The following POLI variants were observed in gnomAD, a reference collection of about 807,000 sequenced individuals.
POLI encodes DNA polymerase iota.
Under a neutral mutation model 51.6 loss-of-function variants are expected in POLI, and 58 were observed. That is an observed-to-expected ratio of 1.12 (90% CI 0.91 to 1.40). The LOEUF is 1.40. Among genes scored for constraint, POLI ranks in the 40% most tolerant of loss-of-function variants. POLI has a pLI of 0.00. For missense variants in POLI, 921 were observed against 871.3 expected, an observed-to-expected ratio of 1.06 and a Z score of -0.72; for synonymous variants, 322 against 299.7, an observed-to-expected ratio of 1.07 and a Z score of -0.77.
intron 3 of POLI, among the ~76,000 whole-genome samples, chr18:54,275,365 T>G (rs1466341688): frequency 6.6e-6 from 1 of 152,040 alleles, no homozygotes; most frequent in Admixed American, 6.6e-5. Context: ...TAAAGACATA[T>G]GTACAACAAT....
At chr18:54,270,794 A>G (rs1027991085) in intron 1 of POLI, 2 of 152,190 alleles carry the variant, frequency 1.3e-5, no homozygotes, top group African/African-American at 4.8e-5. Flanking sequence ...AATTTAGTGA[A>G]TATTTATTGG....
intron 7 of POLI, 21 bp downstream of exon 7, chr18:54,284,034 C>T (rs1335537666): frequency 5.2e-6 from 5 of 966,656 alleles, no homozygotes; most frequent in Middle Eastern, 2.1e-4. Flanking sequence ...ATCCATTTTG[C>T]CAAGTCATCC....
chr18:54,321,120 C>T (rs1232517171), exon 5 of POLI: 2 of 152,194 alleles, frequency 1.3e-5, no homozygotes, highest in Admixed American at 1.3e-4. Context: ...ACAAGGATCC[C>T]TCCTGCCACC....
At chr18:54,317,212 A>G (rs2144653359) in intron 3 of POLI, among the ~76,000 whole-genome samples, 1 of 152,276 alleles carries the variant, frequency 6.6e-6, no homozygotes, top group African/African-American at 2.4e-5. Context: ...AGTGGATGAA[A>G]TTCATGAGGC....
At chr18:54,319,650 GTTA>G (rs146740127) in intron 3 of POLI, among the ~76,000 whole-genome samples, 10,162 of 152,088 alleles carry the variant, frequency 0.067, 382 homozygotes, top group African/African-American at 0.087. Flanking sequence ...TTGTGGGATT[GTTA>G]TTATTATATA....
chr18:54,314,472 C>T (rs573365), intron 3 of POLI, among the ~76,000 whole-genome samples: 116,615 of 152,030 alleles, frequency 0.77, 45,642 homozygotes, highest in African/African-American at 0.94. Flanking sequence ...GGTATCAGGA[C>T]GATGTTTGTT....
At chr18:54,281,918 A>C (rs1053826635) in intron 5 of POLI, among the ~76,000 whole-genome samples, 1 of 152,110 alleles carries the variant, frequency 6.6e-6, no homozygotes, top group African/African-American at 2.4e-5. Context: ...TAACTGTGGA[A>C]TTACTGTTTT....
rs368246961 is a variant in POLI at position 54,294,505 on chromosome 18, C to A, written c.*38C>A. On this transcript the variant is annotated 3_prime_UTR_variant, in exon 10 of 10. Coordinates refer to ENST00000579534, the MANE Select transcript of POLI (RefSeq NM_007195.3). Reference sequence around the variant, plus strand: ...AAAAGGTCTGAAAAGCAAGGGAATACCATTATTTTCGGATTAGCGGTTTAT... The same window carrying A: ...AAAAGGTCTGAAAAGCAAGGGAATAACATTATTTTCGGATTAGCGGTTTAT... 13 of 1,530,794 alleles carry A rather than the reference C, an allele frequency of 8.5e-6. No homozygotes were observed. The highest frequency in any genetic ancestry group is 7.0e-6 in the Non-Finnish European group (8 of 1,145,318). The allele number at this position is 1,530,794 out of a possible 1,614,324, so 94.8% of individuals were successfully genotyped here.
chr18:54,318,434 A>G (rs965054672), intron 3 of POLI, among the ~76,000 whole-genome samples: 2 of 152,216 alleles, frequency 1.3e-5, no homozygotes, highest in Non-Finnish European at 2.9e-5. Flanking sequence ...ATATAATTTC[A>G]TATTTCAAAT....
chr18:54,279,852 G>A (rs992837565), intron 4 of POLI, among the ~76,000 whole-genome samples: 13 of 152,188 alleles, frequency 8.5e-5, no homozygotes, highest in African/African-American at 3.1e-4. Flanking sequence ...CTGCTAGTGC[G>A]TGGTTAAGAT....
chr18:54,281,364 A>G (rs2087494485), intron 5 of POLI, among the ~76,000 whole-genome samples: 2 of 152,150 alleles, frequency 1.3e-5, no homozygotes, highest in African/African-American at 2.4e-5. Context: ...TTCCATGAGG[A>G]GTTCGGTGAC....
chr18:54,315,120 T>C (rs1484216425), intron 3 of POLI, among the ~76,000 whole-genome samples: 1 of 152,156 alleles, frequency 6.6e-6, no homozygotes, highest in African/African-American at 2.4e-5. Context: ...TTTACTCTTA[T>C]GACATTGCTT....
chr18:54,294,473 T>C lies in POLI; in HGVS notation c.*6T>C. ...TCCACATTGGACATAAATAAGCATATTCAGCAAAAAGGTCTGAAAAGCAAG... is the reference window on the plus strand; with the variant it reads ...TCCACATTGGACATAAATAAGCATACTCAGCAAAAAGGTCTGAAAAGCAAG... On this transcript the variant is annotated 3_prime_UTR_variant, in exon 10 of 10. Coordinates refer to ENST00000579534, the MANE Select transcript of POLI (RefSeq NM_007195.3). The C allele has an allele frequency of 6.4e-7, 1 of 1,572,438 alleles. No individual in the cohort carries two copies. The highest frequency in any genetic ancestry group is 1.2e-5 in the South Asian group (1 of 83,506).
chr18:54,299,632 A>G (rs1599266864), downstream of POLI, among the ~76,000 whole-genome samples: 1 of 152,222 alleles, frequency 6.6e-6, no homozygotes. Context: ...GAGCTATGAG[A>G]CAACTTCAGG....
At chr18:54,280,289 G>T (rs1218823388) in intron 4 of POLI, among the ~76,000 whole-genome samples, 2 of 152,226 alleles carry the variant, frequency 1.3e-5, no homozygotes, top group African/African-American at 4.8e-5. Context: ...GCAAAAGGGA[G>T]CCAGTGTGTG....
chr18:54,317,809 G>A (rs2088753674), intron 3 of POLI, among the ~76,000 whole-genome samples: 1 of 152,156 alleles, frequency 6.6e-6, no homozygotes, highest in South Asian at 2.1e-4. Flanking sequence ...AAGCTGCAGT[G>A]AGCTATGATC....
At chr18:54,282,626 G>T (rs1258861328) in intron 5 of POLI, among the ~76,000 whole-genome samples, 1 of 151,902 alleles carries the variant, frequency 6.6e-6, no homozygotes, top group African/African-American at 2.4e-5. Flanking sequence ...ATATGTAATG[G>T]GAAAAACAGT....
chr18:54,290,512 A>G (rs1013294881), intron 8 of POLI, among the ~76,000 whole-genome samples: 1 of 152,214 alleles, frequency 6.6e-6, no homozygotes. Flanking sequence ...TCATGCTACT[A>G]TAAAGACACA....
intron 3 of POLI, among the ~76,000 whole-genome samples, chr18:54,304,323 GAGGAATC>G (rs1568157584): frequency 6.6e-6 from 1 of 152,132 alleles, no homozygotes; most frequent in African/African-American, 2.4e-5. Flanking sequence ...CTAGATCCTT[GAGGAATC>G]ACCACACTGT....
Sources: gnomAD v4.1 joint callset for allele counts (sites outside exome capture counted in the v4.1 genomes callset) on GRCh38, gnomAD v4.1.1 for gene constraint, MANE v1.5 for transcripts, NCBI Gene and HGNC (gene_info 2026-07-23, HGNC 2026-07-21) for gene names.